The following ARHGAP15 variants were observed in gnomAD, a reference collection of about 807,000 sequenced individuals.
ARHGAP15 encodes the protein Rho GTPase activating protein 15.
Under a neutral mutation model 63.7 loss-of-function variants are expected in ARHGAP15, and 51 were observed. The observed-to-expected ratio is 0.80, with a 90% CI of 0.64 to 1.01. The LOEUF is 1.01. ARHGAP15 is among the 50% of genes least tolerant of loss of function. The pLI is 0.00. For missense variants in ARHGAP15, 560 were observed against 564.6 expected, an observed-to-expected ratio of 0.99 and a Z score of 0.08; for synonymous variants, 191 against 193.8, an observed-to-expected ratio of 0.99 and a Z score of 0.12.
rs369789352 is a variant in ARHGAP15 at position 143,155,536 on chromosome 2, T to C, written c.46T>C (p.Ser16Pro). ...TGATACTTCCGTGGAAACACTGAAT[T>C]CTACCCGCCAAGGCACAGGAGCTGT... Reference protein sequence around the residue: ...NSDTSVETLNSTRQGTGAVQM... With the variant: ...NSDTSVETLNPTRQGTGAVQM... Residue 16 changes from serine to proline, a missense_variant, in exon 2 of 14, where the codon TCT becomes CCT. Coordinates refer to ENST00000295095, the MANE Select transcript of ARHGAP15 (RefSeq NM_018460.4). 1.2e-6 allele frequency: 2 copies of C among 1,609,376 alleles called. No individual in the cohort carries two copies. The highest frequency in any genetic ancestry group is 1.7e-6 in the Non-Finnish European group (2 of 1,178,086).
At chr2:143,273,556 T>C (rs1198391622) in intron 6 of ARHGAP15, among the ~76,000 whole-genome samples, 1 of 152,184 alleles carries the variant, frequency 6.6e-6, no homozygotes, top group East Asian at 1.9e-4. Flanking sequence ...AATAAGTATA[T>C]GAACAGGCCA....
chr2:143,330,224 CAGA>C (rs1327301240), intron 6 of ARHGAP15, among the ~76,000 whole-genome samples: 1 of 145,828 alleles, frequency 6.9e-6, no homozygotes, highest in Non-Finnish European at 1.5e-5. Flanking sequence ...AAAAGCAAGA[CAGA>C]AGAGTTTAAG....
At position 143,367,446 on chromosome 2, in the gene ARHGAP15, A is replaced by G. The variant is rs538009817; in HGVS notation, c.475-68155A>G. 2.8e-4 allele frequency among the ~76,000 whole-genome samples: 43 copies of G among 151,898 alleles called. 1 individual carries two copies. In the South Asian group the frequency reaches 4.4e-3, roughly 15 times the overall value. On this transcript the variant is annotated intron_variant, in intron 6 of 13. Transcript: ENST00000295095. ...CTCCCCATCCTGTTTTGAGTCTCACACAACTTATCCTGCATATTGCTCTTC... is the reference window on the plus strand; with the variant it reads ...CTCCCCATCCTGTTTTGAGTCTCACGCAACTTATCCTGCATATTGCTCTTC...
chr2:143,353,175 C>T (rs2105318925), intron 6 of ARHGAP15, among the ~76,000 whole-genome samples: 1 of 152,140 alleles, frequency 6.6e-6, no homozygotes, highest in South Asian at 2.1e-4. Context: ...GTTTGTAGTT[C>T]CAGCTACACC....
At chr2:143,144,817 A>T (rs939239060) in intron 1 of ARHGAP15, among the ~76,000 whole-genome samples, 2 of 152,094 alleles carry the variant, frequency 1.3e-5, no homozygotes, top group African/African-American at 2.4e-5. Context: ...ATATGAACAA[A>T]ATGAAGATAG....
At chr2:143,313,554 G>C (rs1683544925) in intron 6 of ARHGAP15, among the ~76,000 whole-genome samples, 1 of 152,140 alleles carries the variant, frequency 6.6e-6, no homozygotes, top group Non-Finnish European at 1.5e-5. Flanking sequence ...CTACGGGAAA[G>C]TGTGGAGGCA....
At chr2:143,576,662 G>A (rs1006607056) in intron 11 of ARHGAP15, among the ~76,000 whole-genome samples, 1 of 151,960 alleles carries the variant, frequency 6.6e-6, no homozygotes, top group South Asian at 2.1e-4. Context: ...CAAAGAACAG[G>A]AAATATCAGA....
chr2:143,317,524 T>C (rs76600881), intron 6 of ARHGAP15, among the ~76,000 whole-genome samples: 2,745 of 152,322 alleles, frequency 0.018, 87 homozygotes, highest in African/African-American at 0.063. Flanking sequence ...GATATAGTGA[T>C]GACATTATCA....
chr2:143,394,737 A>G (rs1408276478), intron 6 of ARHGAP15, among the ~76,000 whole-genome samples: 1 of 152,154 alleles, frequency 6.6e-6, no homozygotes, highest in Non-Finnish European at 1.5e-5. Flanking sequence ...ATACACTTCA[A>G]TGTCAGTTGT....
At chr2:143,209,679 GGAA>G (rs1417709369) in intron 3 of ARHGAP15, among the ~76,000 whole-genome samples, 1 of 151,990 alleles carries the variant, frequency 6.6e-6, no homozygotes, top group Admixed American at 6.6e-5. Context: ...GCAAAGAACT[GGAA>G]GAAGAATGTT....
chr2:143,701,100 G>A (rs1035740250), intron 12 of ARHGAP15, among the ~76,000 whole-genome samples: 8 of 151,948 alleles, frequency 5.3e-5, no homozygotes, highest in Non-Finnish European at 8.8e-5. Flanking sequence ...TTTGACTGTG[G>A]GAGGCATTAT....
intron 11 of ARHGAP15, among the ~76,000 whole-genome samples, chr2:143,597,318 A>G (rs2105183435): frequency 6.6e-6 from 1 of 152,268 alleles, no homozygotes; most frequent in Non-Finnish European, 1.5e-5. Context: ...TAAAATTACA[A>G]TTTAGGATGC....
chr2:143,367,793 A>G (rs1686360908), intron 6 of ARHGAP15, among the ~76,000 whole-genome samples: 1 of 152,044 alleles, frequency 6.6e-6, no homozygotes, highest in African/African-American at 2.4e-5. Flanking sequence ...AACAGCATTA[A>G]TTTGAATAGT....
At chr2:143,348,207 A>G (rs1019712703) in intron 6 of ARHGAP15, among the ~76,000 whole-genome samples, 9 of 152,190 alleles carry the variant, frequency 5.9e-5, no homozygotes, top group African/African-American at 1.9e-4. Context: ...CATACTCACA[A>G]TGCCTCAAAA....
intron 6 of ARHGAP15, among the ~76,000 whole-genome samples, chr2:143,287,310 G>C (rs1011994106): frequency 2.0e-5 from 3 of 152,026 alleles, no homozygotes; most frequent in Non-Finnish European, 4.4e-5. Flanking sequence ...ATCTGTTCTC[G>C]TACTACTTAG....
intron 1 of ARHGAP15, among the ~76,000 whole-genome samples, chr2:143,152,049 A>G (rs1689846401): frequency 6.6e-6 from 1 of 151,946 alleles, no homozygotes; most frequent in Non-Finnish European, 1.5e-5. Context: ...TGTGTTATGT[A>G]CATCCAGGAC....
intron 12 of ARHGAP15, among the ~76,000 whole-genome samples, chr2:143,687,712 C>T (rs1157109607): frequency 6.6e-6 from 1 of 152,156 alleles, no homozygotes; most frequent in African/African-American, 2.4e-5. Flanking sequence ...TTTCTTTTGG[C>T]ATAGACCAAA....
chr2:143,177,826 A>T (rs566159421), intron 2 of ARHGAP15, among the ~76,000 whole-genome samples: 1 of 152,212 alleles, frequency 6.6e-6, no homozygotes, highest in African/African-American at 2.4e-5. Context: ...TTGCAAAAAC[A>T]CAAACCATTG....
At chr2:143,214,163 T>A (rs1234250665) in intron 3 of ARHGAP15, among the ~76,000 whole-genome samples, 1 of 152,210 alleles carries the variant, frequency 6.6e-6, no homozygotes, top group Admixed American at 6.5e-5. Flanking sequence ...CAATTGGGGC[T>A]ATATTTTTAG....
Sources: allele counts gnomAD v4.1 joint callset (sites outside exome capture counted in the v4.1 genomes callset), GRCh38; gene constraint gnomAD v4.1.1; transcripts MANE v1.5; gene names NCBI Gene and HGNC (gene_info 2026-07-23, HGNC 2026-07-21).